Variants in AKAP10 observed in about 807,000 individuals in gnomAD.
The protein encoded by AKAP10 is A-kinase anchor protein 10, mitochondrial.
In AKAP10, 24 loss-of-function variants were observed where a neutral mutation model predicts 80.8. That is an observed-to-expected ratio of 0.30 (90% CI 0.22 to 0.42). The LOEUF (loss-of-function observed/expected upper bound fraction) is 0.42. Ranked by LOEUF, AKAP10 falls within the 10% of genes least tolerant of loss-of-function variation. The pLI is 1.00. For synonymous variants in AKAP10, 291 were observed against 277.7 expected (o/e 1.05, Z -0.48); for missense variants, 661 against 794.9 (o/e 0.83, Z 2.03).
intron 1 of AKAP10, among the ~76,000 whole-genome samples, chr17:19,976,638 G>C (rs2043571244): frequency 6.6e-6 from 1 of 151,862 alleles, no homozygotes; most frequent in East Asian, 2.0e-4. Context: ...TCCTGCTTCA[G>C]CCTCCCAAGT....
At chr17:19,947,573 T>C (rs1341515673) in intron 4 of AKAP10, 68 bp from the exon 5 acceptor site, 50 of 1,025,968 alleles carry the variant, frequency 4.9e-5, no homozygotes, top group Non-Finnish European at 7.5e-5. Context: ...ATTATATTCA[T>C]GAATAGCAGG....
intron 1 of AKAP10, among the ~76,000 whole-genome samples, chr17:19,974,315 A>C (rs2043537501): frequency 6.6e-6 from 1 of 152,220 alleles, no homozygotes; most frequent in Non-Finnish European, 1.5e-5. Context: ...TACTGGATTA[A>C]GCTTGTCCAT....
chr17:19,943,450 C>T (rs2043070867), intron 5 of AKAP10, among the ~76,000 whole-genome samples: 1 of 152,032 alleles, frequency 6.6e-6, no homozygotes, highest in Admixed American at 6.6e-5. Context: ...CACAAAAAAC[C>T]CAAAAGGACA....
intron 10 of AKAP10, chr17:19,929,586 T>C (rs2152412595): frequency 6.6e-6 from 1 of 152,182 alleles, no homozygotes; most frequent in South Asian, 2.1e-4. Context: ...GTGTCTAAGG[T>C]TATGATAAGT....
At chr17:19,925,276 T>A (rs1444000929) in intron 10 of AKAP10, among the ~76,000 whole-genome samples, 2 of 152,200 alleles carry the variant, frequency 1.3e-5, no homozygotes, top group Non-Finnish European at 2.9e-5. Flanking sequence ...TTCTTCAATA[T>A]GAAAAGCTGT....
chr17:19,932,712 A>C (rs2042949382), intron 9 of AKAP10, among the ~76,000 whole-genome samples: 1 of 152,048 alleles, frequency 6.6e-6, no homozygotes, highest in African/African-American at 2.4e-5. Context: ...TTTAACTTTA[A>C]TATATATGGT....
Position 19,958,198 on chromosome 17 carries a change from G to C in AKAP10, c.693C>G (p.Ser231Arg), listed in dbSNP as rs781086784. The change falls in exon 4 of 15, where the codon AGC becomes AGG. Residue 231 changes from serine (S) to arginine (R), a missense_variant. Transcript: ENST00000225737. ...GGGAAAGCAGCAAGTGATTCTGAGT[G>C]CTGTTAGTTCTATTATTCAGGTCAA... is the stretch of plus-strand genomic sequence containing the variant. ...EGIDLNNRTN[S>R]TQNHLLLSQE... 3.1e-6 allele frequency: 5 copies of C among 1,614,170 alleles called. No individual in the cohort carries two copies. The highest frequency in any genetic ancestry group is 3.4e-6 in the Non-Finnish European group (4 of 1,180,032).
chr17:19,954,263 T>C (rs553762035), intron 4 of AKAP10, among the ~76,000 whole-genome samples: 1 of 152,074 alleles, frequency 6.6e-6, no homozygotes, highest in East Asian at 1.9e-4. Flanking sequence ...ACACACATCA[T>C]GAAACAGAAA....
At position 19,968,282 on chromosome 17, in the gene AKAP10, A is replaced by T. The variant is rs538301822; in HGVS notation, c.136+132T>A. The T allele has an allele frequency of 9.1e-6, 6 of 660,250 alleles. No individual in the cohort carries two copies. The East Asian group carries it at 1.7e-4, about 18-fold the overall frequency. The allele number at this position is 660,250 out of a possible 1,614,324, so 40.9% of individuals were successfully genotyped here. ...TACAGGTTAAAGAGGGAAATAAATC[A>T]AAATCATAAGTAATTATAAAATAAG... On this transcript the variant is annotated intron_variant, in intron 2 of 14. Transcript: ENST00000225737.
chr17:19,930,085 G>A (rs774650296), intron 10 of AKAP10, among the ~76,000 whole-genome samples: 5 of 151,416 alleles, frequency 3.3e-5, no homozygotes, highest in Admixed American at 6.6e-5. Context: ...TATCTCCTAG[G>A]TAAACTTAAC....
chr17:19,913,002 G>C (rs1597488046), intron 12 of AKAP10, among the ~76,000 whole-genome samples: 1 of 149,838 alleles, frequency 6.7e-6, no homozygotes, highest in Non-Finnish European at 1.5e-5. Context: ...TTTTAAGACA[G>C]AGTCTCACTC....
intron 2 of AKAP10, among the ~76,000 whole-genome samples, chr17:19,964,445 C>T (rs961187515): frequency 2.6e-5 from 4 of 152,194 alleles, no homozygotes; most frequent in Non-Finnish European, 4.4e-5. Flanking sequence ...TCAGATATAG[C>T]CTGCTTCTTT....
intron 11 of AKAP10, among the ~76,000 whole-genome samples, chr17:19,920,951 T>C (rs569975024): frequency 5.7e-4 from 70 of 123,526 alleles, no homozygotes; most frequent in African/African-American, 3.7e-4. Flanking sequence ...TCGAGAAACA[T>C]AGAGAATCTT....
intron 11 of AKAP10, among the ~76,000 whole-genome samples, chr17:19,922,011 A>G (rs1257694714): frequency 6.6e-6 from 1 of 152,236 alleles, no homozygotes; most frequent in African/African-American, 2.4e-5. Context: ...ATAAGCAAAC[A>G]AAAGTGCATA....
At chr17:19,946,236 A>ATATATT (rs1277653512) in intron 5 of AKAP10, among the ~76,000 whole-genome samples, 1 of 22,782 alleles carries the variant, frequency 4.4e-5, no homozygotes, top group Non-Finnish European at 8.0e-5. Flanking sequence ...ATATATATAT[A>ATATATT]TTATATATAT....
At chr17:19,964,873 C>T (rs1214784396) in intron 2 of AKAP10, among the ~76,000 whole-genome samples, 1 of 152,160 alleles carries the variant, frequency 6.6e-6, no homozygotes, top group Non-Finnish European at 1.5e-5. Context: ...CCAGCCTGGG[C>T]AACAGAGCGA....
Position 19,926,207 on chromosome 17 carries a change from C to A in AKAP10, c.1642-1690G>T, listed in dbSNP as rs78173041. On this transcript the variant is annotated intron_variant, in intron 10 of 14. Coordinates refer to ENST00000225737, the MANE Select transcript of AKAP10 (RefSeq NM_007202.4). ...ATATTTCACATCAACAGAATAAAAC[C>A]CAAAATCCATAGGATCATTTATACT... Among the ~76,000 whole-genome samples, 398 of 151,420 alleles carry A rather than the reference C, an allele frequency of 2.6e-3. 15 individuals are homozygous for A. The East Asian group carries it at 0.073, about 28-fold the overall frequency.
intron 5 of AKAP10, among the ~76,000 whole-genome samples, chr17:19,943,172 A>C (rs968565755): frequency 2.0e-5 from 3 of 152,134 alleles, no homozygotes; most frequent in African/African-American, 7.2e-5. Flanking sequence ...TACAGGCCTG[A>C]GACATTGCAA....
intron 10 of AKAP10, among the ~76,000 whole-genome samples, chr17:19,926,341 A>T (rs936383119): frequency 6.6e-6 from 1 of 151,900 alleles, no homozygotes; most frequent in Non-Finnish European, 1.5e-5. Context: ...GAAAAAAGGC[A>T]TTTATTGAAA....
Sources: gnomAD v4.1 joint callset for allele counts (sites outside exome capture counted in the v4.1 genomes callset) on GRCh38, gnomAD v4.1.1 for gene constraint, MANE v1.5 for transcripts, NCBI Gene and HGNC (gene_info 2026-07-23, HGNC 2026-07-21) for gene names.